SPPL3: variants seen among roughly 807,000 people sequenced by gnomAD.
SPPL3 encodes signal peptide peptidase like 3, also known as signal peptide peptidase-like 3.
Under a neutral mutation model 42.4 loss-of-function variants are expected in SPPL3, and 5 were observed. The observed-to-expected ratio is 0.12, with a 90% CI of 0.06 to 0.25. The LOEUF is 0.25. Among genes scored for constraint, SPPL3 ranks in the 10% least tolerant of loss-of-function variants. The probability of loss-of-function intolerance (pLI) is 1.00; values close to 1 mark genes in which losing one functional copy is unlikely to be tolerated. For missense variants in SPPL3, 235 were observed against 489.0 expected, an observed-to-expected ratio of 0.48 and a Z score of 4.90; for synonymous variants, 195 against 181.8, an observed-to-expected ratio of 1.07 and a Z score of -0.58.
At chr12:120,778,171 C>G (rs372996756) in intron 6 of SPPL3, among the ~76,000 whole-genome samples, 1 of 117,148 alleles carries the variant, frequency 8.5e-6, no homozygotes, top group African/African-American at 3.3e-5. Flanking sequence ...GGCTGGAGTG[C>G]AGTGGTGTGA....
At chr12:120,890,200 G>C (rs1433787198) in intron 1 of SPPL3, among the ~76,000 whole-genome samples, 1 of 152,120 alleles carries the variant, frequency 6.6e-6, no homozygotes, top group Non-Finnish European at 1.5e-5. Context: ...GGTGAGCCGA[G>C]ATTGCGCCAT....
chr12:120,843,611 G>A (rs1871910202), intron 1 of SPPL3, among the ~76,000 whole-genome samples: 1 of 152,114 alleles, frequency 6.6e-6, no homozygotes, highest in Non-Finnish European at 1.5e-5. Context: ...CCTCTTCCCA[G>A]TGTACACAAT....
chr12:120,891,541 A>AT (rs1320845911), intron 1 of SPPL3, among the ~76,000 whole-genome samples: 1 of 152,146 alleles, frequency 6.6e-6, no homozygotes, highest in Admixed American at 6.6e-5. Context: ...TATTAAAAAA[A>AT]TTTTTTTAGC....
At chr12:120,853,198 A>G (rs539253754) in intron 1 of SPPL3, among the ~76,000 whole-genome samples, 20 of 152,226 alleles carry the variant, frequency 1.3e-4, no homozygotes, top group African/African-American at 4.8e-4. Context: ...CGCCCGGCCT[A>G]AAGATATATT....
intron 1 of SPPL3, among the ~76,000 whole-genome samples, chr12:120,877,686 C>G (rs548560183): frequency 2.0e-5 from 3 of 151,050 alleles, no homozygotes; most frequent in African/African-American, 7.3e-5. Flanking sequence ...GGGGCTGAGG[C>G]AGGAGAATCG....
intron 9 of SPPL3, among the ~76,000 whole-genome samples, chr12:120,767,072 G>T (rs1235740231): frequency 6.6e-6 from 1 of 152,236 alleles, no homozygotes; most frequent in Admixed American, 6.5e-5. Context: ...ATTGAATAAA[G>T]TAGGAAATAA....
intron 6 of SPPL3, 51 bp downstream of exon 6, chr12:120,782,604 T>C (rs1320779796): frequency 3.7e-6 from 5 of 1,334,564 alleles, no homozygotes; most frequent in Non-Finnish European, 5.3e-6. Flanking sequence ...CTAAAGTATC[T>C]ATAAAACTCT....
chr12:120,825,076 A>G (rs1468523599), intron 1 of SPPL3, among the ~76,000 whole-genome samples: 1 of 152,068 alleles, frequency 6.6e-6, no homozygotes, highest in Non-Finnish European at 1.5e-5. Flanking sequence ...GATAGTCATT[A>G]TATTTATAAC....
chr12:120,821,064 T>C (rs1017412458), intron 1 of SPPL3, among the ~76,000 whole-genome samples: 3 of 152,210 alleles, frequency 2.0e-5, no homozygotes, highest in Admixed American at 6.5e-5. Flanking sequence ...CCATCAGAGA[T>C]ACAAAATCTG....
At chr12:120,871,340 GT>G (rs1225357324) in intron 1 of SPPL3, among the ~76,000 whole-genome samples, 1 of 152,064 alleles carries the variant, frequency 6.6e-6, no homozygotes, top group Non-Finnish European at 1.5e-5. Context: ...CATAAAATCT[GT>G]TGACAAATGA....
chr12:120,883,393 A>G (rs1873354148), intron 1 of SPPL3, among the ~76,000 whole-genome samples: 1 of 152,220 alleles, frequency 6.6e-6, no homozygotes. Context: ...ACTCTAACCT[A>G]TTCCTATTTA....
At chr12:120,882,196 T>A (rs1373045160) in intron 1 of SPPL3, among the ~76,000 whole-genome samples, 1 of 152,104 alleles carries the variant, frequency 6.6e-6, no homozygotes, top group Non-Finnish European at 1.5e-5. Context: ...ACCATCTTGG[T>A]TATCAGATTG....
chr12:120,897,559 T>A (rs528034541), intron 1 of SPPL3, among the ~76,000 whole-genome samples: 1 of 152,044 alleles, frequency 6.6e-6, no homozygotes, highest in Non-Finnish European at 1.5e-5. Flanking sequence ...CCGTCTCTAC[T>A]AAAATTACAA....
intron 1 of SPPL3, among the ~76,000 whole-genome samples, chr12:120,848,927 GT>G (rs368569858): frequency 1.1e-4 from 16 of 147,436 alleles, no homozygotes; most frequent in Admixed American, 3.4e-4. Context: ...CTCAATTTTG[GT>G]TTTTTTTTTG....
At chr12:120,791,721 C>T in intron 2 of SPPL3, 164 bp from the exon 3 acceptor site, 3 of 565,512 alleles carry the variant, frequency 5.3e-6, no homozygotes, top group South Asian at 4.1e-5. Context: ...AATCTTCAGT[C>T]CTTCCAATGT....
rs915342545 is a variant in SPPL3, at chr12:120,767,840, T to C, written c.774-247A>G. 4.6e-5 allele frequency among the ~76,000 whole-genome samples: 7 copies of C among 152,184 alleles called. No homozygotes were observed. The South Asian group carries it at 6.2e-4, about 14-fold the overall frequency. ...CCCTTGGAAGTGACTGCTGAAGTGA[T>C]TTGCATAAGTGCTGCTTCCTCTAGA... On this transcript the variant is annotated intron_variant, in intron 8 of 10. Transcript: ENST00000353487.
intron 1 of SPPL3, among the ~76,000 whole-genome samples, chr12:120,833,440 A>G (rs2137019648): frequency 6.6e-6 from 1 of 152,322 alleles, no homozygotes; most frequent in East Asian, 1.9e-4. Context: ...ATTTTAACAA[A>G]TAGGATGGAG....
intron 1 of SPPL3, among the ~76,000 whole-genome samples, chr12:120,877,216 T>C (rs1426593909): frequency 1.3e-5 from 2 of 151,964 alleles, no homozygotes; most frequent in African/African-American, 2.4e-5. Context: ...GGTAACAAAA[T>C]TGAAATTGTA....
At chr12:120,858,220 G>GT (rs777869643) in intron 1 of SPPL3, among the ~76,000 whole-genome samples, 2 of 152,246 alleles carry the variant, frequency 1.3e-5, no homozygotes, top group Non-Finnish European at 2.9e-5. Flanking sequence ...GCTCACGCCT[G>GT]TAATTCCAGT....
Sources: allele counts gnomAD v4.1 joint callset (sites outside exome capture counted in the v4.1 genomes callset), GRCh38; gene constraint gnomAD v4.1.1; transcripts MANE v1.5; gene names NCBI Gene and HGNC (gene_info 2026-07-23, HGNC 2026-07-21).